GALNT17: variants seen among roughly 807,000 people sequenced by gnomAD.
The protein encoded by GALNT17 is UDP-GalNAc:polypeptide N-acetylgalactosaminyltransferase-like 3.
Under a neutral mutation model 63.7 loss-of-function variants are expected in GALNT17, and 29 were observed. That is an observed-to-expected ratio of 0.46 (90% CI 0.34 to 0.62). The LOEUF is 0.62. Among genes scored for constraint, GALNT17 ranks in the 20% least tolerant of loss-of-function variants. The pLI, the probability that GALNT17 is intolerant of heterozygous loss-of-function variation, is 0.01. For missense variants in GALNT17, 603 were observed against 799.6 expected (o/e 0.75, Z 2.97); for synonymous variants, 305 against 318.3 (o/e 0.96, Z 0.45).
At chr7:71,379,376 TAGGAGAGGCC>T (rs1252495549) in intron 2 of GALNT17, among the ~76,000 whole-genome samples, 9 of 152,008 alleles carry the variant, frequency 5.9e-5, no homozygotes, top group Non-Finnish European at 1.2e-4. Context: ...AGCTTAGAAT[TAGGAGAGGCC>T]AGGAGATCCT....
At chr7:71,150,839 A>G (rs1330757873) in intron 1 of GALNT17, among the ~76,000 whole-genome samples, 9 of 151,778 alleles carry the variant, frequency 5.9e-5, no homozygotes, top group African/African-American at 1.9e-4. Flanking sequence ...TCTTGGTGGC[A>G]TATAAGATGG....
chr7:71,300,070 A>C (rs1791165976), intron 1 of GALNT17, among the ~76,000 whole-genome samples: 1 of 151,970 alleles, frequency 6.6e-6, no homozygotes, highest in African/African-American at 2.4e-5. Flanking sequence ...AAGCCACTGC[A>C]CCCTGCCCTG....
In GALNT17 at chr7:71,240,861, T is replaced by C. The variant is rs368740735; in HGVS notation, c.239-94689T>C. 7.9e-5 allele frequency among the ~76,000 whole-genome samples: 12 copies of C among 152,186 alleles called. No individual in the cohort carries two copies. In the East Asian group the frequency reaches 1.7e-3, roughly 22 times the overall value. ...TTGTATTTTTAGTAGAGACGGAGTTTCACCGTGTTAGCCAGGATGGTCTCG... is the reference window on the plus strand; with the variant it reads ...TTGTATTTTTAGTAGAGACGGAGTTCCACCGTGTTAGCCAGGATGGTCTCG... On this transcript the variant is annotated intron_variant, in intron 1 of 10. Transcript: ENST00000333538.
At chr7:71,246,517 C>T (rs1790100618) in intron 1 of GALNT17, among the ~76,000 whole-genome samples, 1 of 150,712 alleles carries the variant, frequency 6.6e-6, no homozygotes. Flanking sequence ...AATCAATAGA[C>T]TGCTATACAT....
intron 9 of GALNT17, among the ~76,000 whole-genome samples, chr7:71,686,104 G>T (rs1791353866): frequency 6.6e-6 from 1 of 150,832 alleles, no homozygotes; most frequent in Non-Finnish European, 1.5e-5. Flanking sequence ...ACAGGCACCT[G>T]CCACCACACC....
At chr7:71,184,938 C>CCCTT (rs1562894648) in intron 1 of GALNT17, among the ~76,000 whole-genome samples, 48 of 76,562 alleles carry the variant, frequency 6.3e-4, no homozygotes, top group African/African-American at 2.2e-3. Context: ...CTCCCTTCCT[C>CCCTT]ACTTCCTTCC....
At chr7:71,654,866 G>A (rs1219760103) in intron 6 of GALNT17, among the ~76,000 whole-genome samples, 1 of 152,122 alleles carries the variant, frequency 6.6e-6, no homozygotes. Context: ...TCGGCTCACT[G>A]CAACCTCCAC....
chr7:71,306,756 T>A (rs907918466), intron 1 of GALNT17, among the ~76,000 whole-genome samples: 1 of 152,228 alleles, frequency 6.6e-6, no homozygotes, highest in Non-Finnish European at 1.5e-5. Context: ...TACTGACTAT[T>A]GCAAATAGTG....
chr7:71,443,669 G>A (rs966832728), intron 5 of GALNT17, among the ~76,000 whole-genome samples: 2 of 151,812 alleles, frequency 1.3e-5, no homozygotes, highest in African/African-American at 4.8e-5. Context: ...TGTACAGCTT[G>A]CAAAACCATG....
intron 1 of GALNT17, among the ~76,000 whole-genome samples, chr7:71,309,335 C>T (rs1480759855): frequency 6.6e-6 from 1 of 152,022 alleles, no homozygotes; most frequent in African/African-American, 2.4e-5. Context: ...TACCTGCCTC[C>T]CATCTCATTC....
intron 5 of GALNT17, among the ~76,000 whole-genome samples, chr7:71,432,207 G>A (rs1337398898): frequency 6.6e-6 from 1 of 152,102 alleles, no homozygotes; most frequent in Non-Finnish European, 1.5e-5. Context: ...TGCATGAAGA[G>A]TCCCACAGAA....
intron 9 of GALNT17, among the ~76,000 whole-genome samples, chr7:71,694,507 T>G (rs923256173): frequency 2.0e-5 from 3 of 152,048 alleles, no homozygotes; most frequent in African/African-American, 7.2e-5. Flanking sequence ...GCAATTCTCC[T>G]GCCTCAGCCT....
At chr7:71,239,575 TTTC>T (rs1465047481) in intron 1 of GALNT17, among the ~76,000 whole-genome samples, 1 of 152,214 alleles carries the variant, frequency 6.6e-6, no homozygotes, top group East Asian at 1.9e-4. Context: ...CCCTTTCTCT[TTTC>T]TTCTGAGAGG....
chr7:71,376,748 T>C (rs189978461), intron 2 of GALNT17, among the ~76,000 whole-genome samples: 1 of 151,748 alleles, frequency 6.6e-6, no homozygotes, highest in East Asian at 2.0e-4. Flanking sequence ...GACTAGGAGT[T>C]CAAGACCAGC....
At position 71,388,178 on chromosome 7, in the gene GALNT17, A is replaced by G. The variant is rs150802893; in HGVS notation, c.423-57A>G. ...GAAATCTTACACTATGTCCAGCTGC[A>G]GTGCCTGAGCTTTTATCCTTCCTCT... is the stretch of plus-strand genomic sequence containing the variant. On this transcript the variant is annotated intron_variant, in intron 2 of 10. Transcript: ENST00000333538. 2,747 of 1,564,264 alleles carry G rather than the reference A, an allele frequency of 1.8e-3. 4 individuals carry two copies. Among genetic ancestry groups the G allele is most frequent in the Middle Eastern group, 4.6e-3 (27 of 5,874 alleles).
chr7:71,228,779 G>T (rs1008788376), intron 1 of GALNT17, among the ~76,000 whole-genome samples: 2 of 152,142 alleles, frequency 1.3e-5, no homozygotes, highest in Non-Finnish European at 2.9e-5. Flanking sequence ...GATAATCCAG[G>T]CTAATGTCCC....
At chr7:71,524,559 A>G (rs1788593589) in intron 5 of GALNT17, among the ~76,000 whole-genome samples, 1 of 152,118 alleles carries the variant, frequency 6.6e-6, no homozygotes, top group Non-Finnish European at 1.5e-5. Flanking sequence ...GGTATGCCAG[A>G]AGCATTCCCT....
In GALNT17 at chr7:71,558,766, T is replaced by G. The variant is rs541116848; in HGVS notation, c.963-12519T>G. On this transcript the variant is annotated intron_variant, in intron 5 of 10. Coordinates refer to ENST00000333538, the MANE Select transcript of GALNT17 (RefSeq NM_022479.3). The stretch of plus-strand genomic sequence containing the variant: ...TATGATTACCAAAAAGTAAAAGTAT[T>G]ATCCCGAGAAAATTGCTTATAGGGA... Among the ~76,000 whole-genome samples, 4 of 152,334 alleles carry G rather than the reference T, an allele frequency of 2.6e-5. No individual in the cohort carries two copies. The East Asian group carries it at 7.7e-4, about 29-fold the overall frequency.
intron 5 of GALNT17, among the ~76,000 whole-genome samples, chr7:71,555,224 C>T (rs1387087235): frequency 6.6e-6 from 1 of 150,778 alleles, no homozygotes; most frequent in Non-Finnish European, 1.5e-5. Flanking sequence ...GATCACATTT[C>T]ATCATGAGAT....
Sources: allele counts gnomAD v4.1 joint callset (sites outside exome capture counted in the v4.1 genomes callset), GRCh38; gene constraint gnomAD v4.1.1; transcripts MANE v1.5; gene names NCBI Gene and HGNC (gene_info 2026-07-23, HGNC 2026-07-21).